Variants in GRAMD1B observed in about 807,000 individuals in gnomAD.
The protein encoded by GRAMD1B is GRAM domain containing 1B, also known as protein Aster-B.
GRAMD1B carries 37 observed loss-of-function variants against 99.7 expected under a neutral mutation model. The ratio of observed to expected loss-of-function variants is 0.37; its 90% CI spans 0.29 to 0.49. The LOEUF is 0.49. Ranked by LOEUF, GRAMD1B falls within the 20% of genes least tolerant of loss-of-function variation. The pLI, the probability that GRAMD1B is intolerant of heterozygous loss-of-function variation, is 0.98. For synonymous variants in GRAMD1B, 427 were observed against 387.6 expected, an observed-to-expected ratio of 1.10 and a Z score of -1.19; for missense variants, 888 against 1,009.2, an observed-to-expected ratio of 0.88 and a Z score of 1.63.
intron 1 of GRAMD1B, among the ~76,000 whole-genome samples, chr11:123,389,909 A>G (rs1365079089): frequency 6.6e-6 from 1 of 151,810 alleles, no homozygotes; most frequent in Non-Finnish European, 1.5e-5. Flanking sequence ...CGTATGCCAC[A>G]GTGCCTGGCT....
At chr11:123,410,340 G>C (rs1212581496) in intron 1 of GRAMD1B, among the ~76,000 whole-genome samples, 1 of 152,150 alleles carries the variant, frequency 6.6e-6, no homozygotes, top group Non-Finnish European at 1.5e-5. Flanking sequence ...AGGAGGAAGG[G>C]GAAGTGAAAA....
chr11:123,406,547 G>A (rs1234231260), intron 1 of GRAMD1B, among the ~76,000 whole-genome samples: 3 of 152,052 alleles, frequency 2.0e-5, no homozygotes, highest in African/African-American at 4.8e-5. Context: ...CCACTCTGCC[G>A]GGCCCATTGT....
Position 123,430,741 on chromosome 11 carries a change from G to A in GRAMD1B, c.-52G>A. ...GTGGGGAACAGCCAGAGGGAGACGCGAACCAGGCCGCTGGCGGAGGGCTCA... is the reference window on the plus strand; with the variant it reads ...GTGGGGAACAGCCAGAGGGAGACGCAAACCAGGCCGCTGGCGGAGGGCTCA... On this transcript the variant is annotated 5_prime_UTR_variant, in exon 1 of 20. Coordinates refer to ENST00000635736, the MANE Select transcript of GRAMD1B (RefSeq NM_001387025.1). 1 of 612,136 alleles carries A rather than the reference G, an allele frequency of 1.6e-6. No homozygotes were observed. The highest frequency in any genetic ancestry group is 1.9e-5 in the South Asian group (1 of 52,228). 37.9% of individuals were successfully genotyped at this position (612,136 alleles called of 1,614,324 possible).
At chr11:123,520,019 T>G (rs1942048092) in intron 2 of GRAMD1B, among the ~76,000 whole-genome samples, 1 of 152,246 alleles carries the variant, frequency 6.6e-6, no homozygotes, top group Non-Finnish European at 1.5e-5. Context: ...TCTGGTGACC[T>G]CTTACCATTC....
intron 14 of GRAMD1B, among the ~76,000 whole-genome samples, chr11:123,611,366 C>G (rs1039384092): frequency 6.6e-6 from 1 of 151,954 alleles, no homozygotes; most frequent in African/African-American, 2.4e-5. Context: ...CCCAGGAGTT[C>G]AAGGCTGCAA....
intron 1 of GRAMD1B, among the ~76,000 whole-genome samples, chr11:123,383,205 GCTCTCTCTCTCT>G (rs55890434): frequency 2.7e-4 from 39 of 146,806 alleles, no homozygotes; most frequent in Non-Finnish European, 3.8e-4. Context: ...TCAGAGTCTT[GCTCTCTCTCTCT>G]CTCTCTCTCT....
intron 1 of GRAMD1B, among the ~76,000 whole-genome samples, chr11:123,410,498 C>A (rs927808012): frequency 8.6e-5 from 13 of 152,022 alleles, no homozygotes; most frequent in Admixed American, 5.9e-4. Flanking sequence ...TCGGTGACTC[C>A]GATACTGCCA....
intron 1 of GRAMD1B, among the ~76,000 whole-genome samples, chr11:123,456,014 A>T (rs1469754852): frequency 6.6e-6 from 1 of 152,126 alleles, no homozygotes; most frequent in Non-Finnish European, 1.5e-5. Flanking sequence ...TACTAAAAAT[A>T]CAAAAAATTA....
intron 8 of GRAMD1B, among the ~76,000 whole-genome samples, chr11:123,602,708 T>A (rs907753845): frequency 6.6e-6 from 1 of 152,172 alleles, no homozygotes; most frequent in East Asian, 1.9e-4. Flanking sequence ...GAACAAACTT[T>A]TCTTAGAACA....
intron 1 of GRAMD1B, among the ~76,000 whole-genome samples, chr11:123,472,881 G>A (rs1279469725): frequency 2.6e-5 from 4 of 152,196 alleles, no homozygotes; most frequent in Admixed American, 2.6e-4. Context: ...GTCCCAGGTA[G>A]CCTTTTCCTA....
At chr11:123,571,806 G>C (rs570770593) in intron 2 of GRAMD1B, among the ~76,000 whole-genome samples, 25 of 152,116 alleles carry the variant, frequency 1.6e-4, no homozygotes, top group Non-Finnish European at 3.2e-4. Flanking sequence ...TGTTCATGCT[G>C]TCCGCCACCC....
upstream of GRAMD1B, among the ~76,000 whole-genome samples, chr11:123,426,808 T>C (rs1046040045): frequency 1.4e-4 from 21 of 152,184 alleles, no homozygotes; most frequent in African/African-American, 5.1e-4. Flanking sequence ...AGAAATCTAG[T>C]CTGGAAGCTA....
chr11:123,433,809 A>G (rs1949026483), intron 1 of GRAMD1B, among the ~76,000 whole-genome samples: 1 of 150,398 alleles, frequency 6.6e-6, no homozygotes, highest in South Asian at 2.2e-4. Flanking sequence ...TGGTTTCGAG[A>G]GTTGTCTATG....
At chr11:123,395,726 T>G (rs1362056969) in intron 1 of GRAMD1B, among the ~76,000 whole-genome samples, 1 of 152,170 alleles carries the variant, frequency 6.6e-6, no homozygotes, top group Non-Finnish European at 1.5e-5. Flanking sequence ...GACCCAGGCA[T>G]CAGTATTTTT....
chr11:123,564,919 A>G (rs1947178494), intron 2 of GRAMD1B, among the ~76,000 whole-genome samples: 1 of 152,162 alleles, frequency 6.6e-6, no homozygotes, highest in Non-Finnish European at 1.5e-5. Flanking sequence ...TGCTTTCACA[A>G]GGTTCTATTC....
chr11:123,616,776 CAG>C (rs1164451872), intron 17 of GRAMD1B, among the ~76,000 whole-genome samples: 3 of 152,246 alleles, frequency 2.0e-5, no homozygotes, highest in Non-Finnish European at 4.4e-5. Flanking sequence ...AGACAGCACA[CAG>C]GGGTATCCCT....
At chr11:123,407,475 C>G (rs996261734) in intron 1 of GRAMD1B, among the ~76,000 whole-genome samples, 11 of 152,318 alleles carry the variant, frequency 7.2e-5, no homozygotes, top group Admixed American at 1.3e-4. Flanking sequence ...GTGAAACCTG[C>G]AGGCTCTTGG....
chr11:123,612,931 C>A, intron 15 of GRAMD1B, 67 bp downstream of exon 15: 1 of 849,488 alleles, frequency 1.2e-6, no homozygotes, highest in South Asian at 1.5e-5. Context: ...GGCCGCCCAC[C>A]ATTCAGGGGA....
chr11:123,504,671 GT>G, intron 2 of GRAMD1B, among the ~76,000 whole-genome samples: 1 of 152,072 alleles, frequency 6.6e-6, no homozygotes, highest in Non-Finnish European at 1.5e-5. Flanking sequence ...AACCAGATCA[GT>G]TTCTCTGATT....
Sources: gnomAD v4.1 joint callset for allele counts (sites outside exome capture counted in the v4.1 genomes callset) on GRCh38, gnomAD v4.1.1 for gene constraint, MANE v1.5 for transcripts, NCBI Gene and HGNC (gene_info 2026-07-23, HGNC 2026-07-21) for gene names.